The following CADM2 variants were observed in gnomAD, a reference collection of about 807,000 sequenced individuals.
CADM2 encodes cell adhesion molecule 2, also known as immunoglobulin superfamily member 4D.
CADM2 carries 12 observed loss-of-function variants against 49.8 expected under a neutral mutation model. The ratio of observed to expected loss-of-function variants is 0.24; its 90% CI spans 0.15 to 0.39. The LOEUF is 0.39. CADM2 is among the 10% of genes least tolerant of loss of function. CADM2 has a pLI of 1.00. For synonymous variants in CADM2, 214 were observed against 175.4 expected, an observed-to-expected ratio of 1.22 and a Z score of -1.74; for missense variants, 378 against 492.3, an observed-to-expected ratio of 0.77 and a Z score of 2.20.
intron 8 of CADM2, among the ~76,000 whole-genome samples, chr3:86,011,653 A>C (rs889123937): frequency 6.6e-6 from 1 of 152,284 alleles, no homozygotes; most frequent in African/African-American, 2.4e-5. Flanking sequence ...AAGTCCTTGC[A>C]CAATTGGGAC....
At chr3:85,859,915 A>G (rs1361742695) in intron 3 of CADM2, among the ~76,000 whole-genome samples, 2 of 152,214 alleles carry the variant, frequency 1.3e-5, no homozygotes, top group Non-Finnish European at 2.9e-5. Flanking sequence ...TTTCTATTCC[A>G]TAAGTGGATT....
chr3:85,169,229 A>G (rs1368131657), intron 1 of CADM2, among the ~76,000 whole-genome samples: 1 of 152,054 alleles, frequency 6.6e-6, no homozygotes, highest in Admixed American at 6.6e-5. Flanking sequence ...CTTGAACTCA[A>G]GTGATCCACT....
At chr3:85,306,636 T>G (rs1375270425) in intron 1 of CADM2, among the ~76,000 whole-genome samples, 1 of 151,690 alleles carries the variant, frequency 6.6e-6, no homozygotes, top group Non-Finnish European at 1.5e-5. Flanking sequence ...GTGGATATAC[T>G]ATTGTATAGA....
At chr3:85,043,917 G>C (rs1047008397) in intron 1 of CADM2, among the ~76,000 whole-genome samples, 1 of 151,948 alleles carries the variant, frequency 6.6e-6, no homozygotes, top group African/African-American at 2.4e-5. Context: ...CAGAAAAAAA[G>C]CTCCTATCAT....
At chr3:85,126,425 G>GA (rs574038858) in intron 1 of CADM2, among the ~76,000 whole-genome samples, 75 of 151,962 alleles carry the variant, frequency 4.9e-4, no homozygotes, top group African/African-American at 1.6e-3. Flanking sequence ...GTGTTGTGGG[G>GA]AAAAAAATCA....
At position 86,071,540 on chromosome 3, in the gene CADM2, T is replaced by A. The variant is rs1177990742; in HGVS notation, c.*4757T>A. On this transcript the variant is annotated 3_prime_UTR_variant, in exon 10 of 10. Coordinates refer to ENST00000383699, the MANE Select transcript of CADM2 (RefSeq NM_001167675.2). ...TAGCTGGTAAGTTCTCTGCCATGCATACTTACAATAATCCTTCTACCTCTC... is the reference window on the plus strand; with the variant it reads ...TAGCTGGTAAGTTCTCTGCCATGCAAACTTACAATAATCCTTCTACCTCTC... The A allele has an allele frequency of 6.6e-6, 1 of 151,946 alleles. No homozygotes were observed. The highest frequency in any genetic ancestry group is 1.5e-5 in the Non-Finnish European group (1 of 67,854). The allele number at this position is 151,946 out of a possible 1,614,324, so 9.4% of individuals were successfully genotyped here.
At chr3:85,104,578 TTAAAG>T (rs1314161285) in intron 1 of CADM2, among the ~76,000 whole-genome samples, 1 of 152,156 alleles carries the variant, frequency 6.6e-6, no homozygotes, top group Non-Finnish European at 1.5e-5. Flanking sequence ...CATATGAACT[TTAAAG>T]TAGTTTTTTC....
At chr3:85,105,036 T>C (rs2038157980) in intron 1 of CADM2, among the ~76,000 whole-genome samples, 1 of 152,156 alleles carries the variant, frequency 6.6e-6, no homozygotes, top group Admixed American at 6.5e-5. Flanking sequence ...TTTGACTTCC[T>C]CTTTTCCTAG....
chr3:85,105,489 G>C (rs914315945), intron 1 of CADM2, among the ~76,000 whole-genome samples: 8 of 152,188 alleles, frequency 5.3e-5, no homozygotes, highest in Admixed American at 2.0e-4. Flanking sequence ...TACTTACACT[G>C]TTGGTGGGAC....
At chr3:85,195,482 A>G (rs1050282752) in intron 1 of CADM2, among the ~76,000 whole-genome samples, 5 of 151,876 alleles carry the variant, frequency 3.3e-5, no homozygotes, top group African/African-American at 9.7e-5. Context: ...ACTCTGAGAC[A>G]GTTATTTCAT....
intron 7 of CADM2, among the ~76,000 whole-genome samples, chr3:85,952,429 G>A (rs781157030): frequency 4.0e-5 from 6 of 150,814 alleles, no homozygotes; most frequent in Non-Finnish European, 8.9e-5. Context: ...TTCCAGTTCT[G>A]CCCTCTTCCC....
chr3:85,903,320 T>G (rs1416838703), intron 5 of CADM2, among the ~76,000 whole-genome samples: 1 of 152,064 alleles, frequency 6.6e-6, no homozygotes, highest in African/African-American at 2.4e-5. Flanking sequence ...TTTTTTTTCC[T>G]TTTCTATCTG....
intron 1 of CADM2, among the ~76,000 whole-genome samples, chr3:85,032,189 A>G (rs2035017821): frequency 6.6e-6 from 1 of 150,470 alleles, no homozygotes; most frequent in Non-Finnish European, 1.5e-5. Context: ...ATCACTTTCT[A>G]GAAGGTTTGG....
At chr3:85,291,390 C>T (rs2106935541) in intron 1 of CADM2, among the ~76,000 whole-genome samples, 1 of 151,072 alleles carries the variant, frequency 6.6e-6, no homozygotes, top group Middle Eastern at 3.4e-3. Context: ...GAGAACTTCC[C>T]CAATCTAGAA....
At chr3:85,784,328 G>T (rs1306223538) in intron 2 of CADM2, among the ~76,000 whole-genome samples, 1 of 152,134 alleles carries the variant, frequency 6.6e-6, no homozygotes, top group African/African-American at 2.4e-5. Flanking sequence ...ATAAACAAGG[G>T]ATTGCTATGA....
chr3:85,535,315 C>A (rs2106988277), intron 1 of CADM2, among the ~76,000 whole-genome samples: 1 of 152,210 alleles, frequency 6.6e-6, no homozygotes, highest in Non-Finnish European at 1.5e-5. Context: ...TCACTTTATG[C>A]ACATATGAAT....
chr3:85,925,678 A>G (rs1428520900), intron 6 of CADM2, among the ~76,000 whole-genome samples: 1 of 152,200 alleles, frequency 6.6e-6, no homozygotes, highest in Non-Finnish European at 1.5e-5. Flanking sequence ...GGAGTGTATC[A>G]TAATGGCCTA....
intron 7 of CADM2, among the ~76,000 whole-genome samples, chr3:85,952,343 T>G (rs1723540511): frequency 6.6e-6 from 1 of 150,996 alleles, no homozygotes; most frequent in Admixed American, 6.6e-5. Flanking sequence ...GAGTGTATTC[T>G]AAGATGTTCA....
chr3:85,938,241 A>T (rs916658016), intron 7 of CADM2, among the ~76,000 whole-genome samples: 1 of 152,080 alleles, frequency 6.6e-6, no homozygotes, highest in Non-Finnish European at 1.5e-5. Context: ...ACAGTGCCAG[A>T]TGAGGCAGAA....
Sources: allele counts gnomAD v4.1 joint callset (sites outside exome capture counted in the v4.1 genomes callset), GRCh38; gene constraint gnomAD v4.1.1; transcripts MANE v1.5; gene names NCBI Gene and HGNC (gene_info 2026-07-23, HGNC 2026-07-21).